The following TMEM131 variants were observed in gnomAD, a reference collection of about 807,000 sequenced individuals.
TMEM131 encodes the protein transmembrane protein 131, also known as 2610524E03Rik.
Under a neutral mutation model 211.6 loss-of-function variants are expected in TMEM131, and 66 were observed. The ratio of observed to expected loss-of-function variants is 0.31; its 90% CI spans 0.26 to 0.38. The LOEUF is 0.38. Ranked by LOEUF, TMEM131 falls within the 10% of genes least tolerant of loss-of-function variation. The pLI is 1.00. For synonymous variants in TMEM131, 844 were observed against 841.3 expected (o/e 1.00, Z -0.06); for missense variants, 2,036 against 2,299.3 (o/e 0.89, Z 2.34).
intron 7 of TMEM131, among the ~76,000 whole-genome samples, chr2:97,839,280 T>C (rs552647330): frequency 1.3e-5 from 2 of 151,950 alleles, no homozygotes; most frequent in South Asian, 4.2e-4. Flanking sequence ...TAAGCCAAGA[T>C]GGCACCACTG....
intron 11 of TMEM131, among the ~76,000 whole-genome samples, chr2:97,828,332 G>A (rs1391811100): frequency 6.6e-6 from 1 of 151,738 alleles, no homozygotes; most frequent in African/African-American, 2.4e-5. Flanking sequence ...CTCAACCAAT[G>A]AAATCTCAAT....
chr2:97,903,838 A>G (rs1675958636), intron 3 of TMEM131, among the ~76,000 whole-genome samples: 2 of 151,954 alleles, frequency 1.3e-5, no homozygotes, highest in African/African-American at 4.8e-5. Context: ...CGCATTTTGT[A>G]TTTTAGTAGA....
intron 1 of TMEM131, among the ~76,000 whole-genome samples, chr2:97,977,608 C>T (rs1266805901): frequency 3.3e-5 from 5 of 152,110 alleles, no homozygotes; most frequent in Admixed American, 2.6e-4. Flanking sequence ...CTATTAAGAG[C>T]GCAATAGCAT....
rs1363441117 is a variant in TMEM131 at position 97,867,672 on chromosome 2, G to C, written c.360-8245C>G. On this transcript the variant is annotated intron_variant, in intron 4 of 40. Coordinates refer to ENST00000186436, the MANE Select transcript of TMEM131 (RefSeq NM_015348.2). ...GGGATACAGCATCTGTCCTAGAGTG[G>C]GGTGGGTGAAGAGAGACCCAGTCCT... Among the ~76,000 whole-genome samples the C allele has an allele frequency of 2.0e-5, 3 of 152,264 alleles. No individual in the cohort carries two copies. In the East Asian group the frequency reaches 5.8e-4, roughly 29 times the overall value.
chr2:97,922,704 GA>G (rs886066945), intron 2 of TMEM131, among the ~76,000 whole-genome samples: 21 of 152,120 alleles, frequency 1.4e-4, no homozygotes, highest in African/African-American at 4.6e-4. Flanking sequence ...AAATTACAGG[GA>G]AAGGCAATTA....
intron 4 of TMEM131, among the ~76,000 whole-genome samples, chr2:97,885,149 T>G (rs1185803213): frequency 6.6e-6 from 1 of 152,228 alleles, no homozygotes; most frequent in African/African-American, 2.4e-5. Context: ...AAGCATTTCT[T>G]GTAAGGCCAG....
In TMEM131 at chr2:97,995,472, C is replaced by A; in HGVS notation, c.187+4G>T. The A allele has an allele frequency of 7.1e-7, 1 of 1,402,232 alleles. No individual in the cohort carries two copies. Among genetic ancestry groups the A allele is most frequent in the South Asian group, 1.5e-5 (1 of 65,252 alleles). 86.9% of individuals were successfully genotyped at this position (1,402,232 alleles called of 1,614,324 possible). A position where few individuals can be genotyped will look rare whatever the true frequency, so the allele number is the denominator to read the frequency against. ...CCGCAGGGACGCCGCCGGGGGACAC[C>A]CACCTTCCTTCTCGGCCCGCGCCGC... On this transcript the variant is annotated splice_donor_region_variant and intron_variant, in intron 1 of 40. Transcript: ENST00000186436.
At chr2:97,794,600 C>T (rs1680674131) in intron 29 of TMEM131, among the ~76,000 whole-genome samples, 2 of 152,300 alleles carry the variant, frequency 1.3e-5, no homozygotes, top group East Asian at 3.9e-4. Context: ...TATTTCTAAT[C>T]AGTTTCAAGT....
At chr2:97,758,692 G>T (rs985647976) in intron 40 of TMEM131, among the ~76,000 whole-genome samples, 2 of 152,242 alleles carry the variant, frequency 1.3e-5, no homozygotes, top group African/African-American at 4.8e-5. Context: ...CTTCCTGATT[G>T]TAATGGCTCT....
chr2:97,827,258 G>A, intron 11 of TMEM131: 1 of 781,366 alleles, frequency 1.3e-6, no homozygotes, highest in Non-Finnish European at 2.4e-6. Context: ...ATGCCCAAGA[G>A]GAAGGTCAGC....
At chr2:97,863,509 TTAA>T (rs1254445878) in intron 4 of TMEM131, among the ~76,000 whole-genome samples, 1 of 151,980 alleles carries the variant, frequency 6.6e-6, no homozygotes, top group Non-Finnish European at 1.5e-5. Flanking sequence ...TGACAAGGGA[TTAA>T]TAATAACTAG....
rs1683701084 is a variant in TMEM131 at position 97,815,909 on chromosome 2, A to G, written c.1184-602T>C. On this transcript the variant is annotated intron_variant, in intron 12 of 40. Coordinates refer to ENST00000186436, the MANE Select transcript of TMEM131 (RefSeq NM_015348.2). ...CAATAAAGTAGCATGGTATAAGAAA[A>G]GTCAAGAATTCAGAGCTCTTCTCAA... is the stretch of plus-strand genomic sequence containing the variant. 2.6e-5 allele frequency among the ~76,000 whole-genome samples: 4 copies of G among 152,212 alleles called. No homozygotes were observed. The South Asian group carries it at 8.3e-4, about 32-fold the overall frequency.
intron 12 of TMEM131, among the ~76,000 whole-genome samples, chr2:97,815,561 G>A (rs1419027130): frequency 1.3e-5 from 2 of 152,182 alleles, no homozygotes; most frequent in African/African-American, 4.8e-5. Flanking sequence ...GTAAAACACT[G>A]TACCTAAGCT....
chr2:97,815,306 T>G lies in TMEM131; in HGVS notation c.1185A>C (p.Ala395=). ...YTKVASISFD[A]SKAKKPSQFS... The stretch of plus-strand genomic sequence containing the variant: ...ACTGAGATGGCTTTTTTGCCTTCGA[T>G]GCTGAAAGGAAGCATAAAAAATAAT... Residue 395 remains alanine, a splice_region_variant and synonymous_variant, in exon 13 of 41, where the codon GCA becomes GCC. Coordinates refer to ENST00000186436, the MANE Select transcript of TMEM131 (RefSeq NM_015348.2). 1 of 1,551,794 alleles carries G rather than the reference T, an allele frequency of 6.4e-7. No individual in the cohort carries two copies. The highest frequency in any genetic ancestry group is 1.3e-5 in the South Asian group (1 of 79,864).
At chr2:97,895,726 C>T (rs140285472) in intron 3 of TMEM131, among the ~76,000 whole-genome samples, 9,104 of 152,138 alleles carry the variant, frequency 0.06, 556 homozygotes, top group Non-Finnish European at 0.079. Flanking sequence ...TCCCCTTTAT[C>T]ATTTTTTATT....
chr2:97,782,687 T>C (rs984217521), intron 31 of TMEM131, among the ~76,000 whole-genome samples: 2 of 151,984 alleles, frequency 1.3e-5, no homozygotes, highest in Non-Finnish European at 2.9e-5. Flanking sequence ...CTGAAAAATA[T>C]AGTAACTGAA....
intron 2 of TMEM131, chr2:97,911,584 G>C: frequency 1.0e-6 from 1 of 979,784 alleles, no homozygotes; most frequent in South Asian, 4.7e-5. Context: ...CATGAAGACA[G>C]AATCTGACCA....
At chr2:97,769,674 G>A (rs1679373138) in intron 33 of TMEM131, among the ~76,000 whole-genome samples, 1 of 152,312 alleles carries the variant, frequency 6.6e-6, no homozygotes, top group Admixed American at 6.5e-5. Flanking sequence ...ATATACTGTT[G>A]ATAAACAAAT....
At chr2:97,813,894 C>T (rs1681687724) in intron 15 of TMEM131, 77 bp downstream of exon 15, 2 of 1,184,084 alleles carry the variant, frequency 1.7e-6, no homozygotes, top group Admixed American at 5.6e-5. Flanking sequence ...CCGTATGTAA[C>T]ACGACTGCCT....
Sources: allele counts gnomAD v4.1 joint callset (sites outside exome capture counted in the v4.1 genomes callset), GRCh38; gene constraint gnomAD v4.1.1; transcripts MANE v1.5; gene names NCBI Gene and HGNC (gene_info 2026-07-23, HGNC 2026-07-21).